Variants in BLOC1S5 observed in about 807,000 individuals in gnomAD.
The protein encoded by BLOC1S5 is biogenesis of lysosomal organelles complex 1 subunit 5, also known as biogenesis of lysosome-related organelles complex 1 subunit 5.
A neutral mutation model predicts 24.3 loss-of-function variants in BLOC1S5; 27 were observed. The observed-to-expected ratio is 1.11, with a 90% CI of 0.82 to 1.53. The LOEUF (loss-of-function observed/expected upper bound fraction) is 1.53, where lower values mean the gene tolerates loss of function less well. Among genes scored for constraint, BLOC1S5 ranks in the 40% most tolerant of loss-of-function variants. The pLI is 0.00. For synonymous variants in BLOC1S5, 84 were observed against 74.5 expected (o/e 1.13, Z -0.66); for missense variants, 239 against 229.4 (o/e 1.04, Z -0.27).
chr6:8,034,207 T>C (rs930331538), intron 3 of BLOC1S5, among the ~76,000 whole-genome samples: 2 of 152,152 alleles, frequency 1.3e-5, no homozygotes, highest in Non-Finnish European at 2.9e-5. Flanking sequence ...CTATTCACAA[T>C]AGCAAAGACT....
At chr6:8,054,297 A>G (rs1224850279) in intron 2 of BLOC1S5, 3 of 449,632 alleles carry the variant, frequency 6.7e-6, no homozygotes, top group East Asian at 7.2e-5. Flanking sequence ...TGATAGTTAC[A>G]CTACATCTTC....
intron 3 of BLOC1S5, among the ~76,000 whole-genome samples, chr6:8,040,275 A>G (rs998747708): frequency 2.0e-5 from 3 of 152,114 alleles, no homozygotes; most frequent in African/African-American, 4.8e-5. Context: ...CATTTATCTT[A>G]CTGGGTTATG....
In BLOC1S5 at chr6:8,041,655, C is replaced by CTTTTTTTTTT. The variant is rs1554139177; in HGVS notation, c.196-388_196-387insAAAAAAAAAA. ...TAGTAATTACTTTCTTTCTTTCTTTCTTTTTTTTTGAGATGCAGTCTCGCC... is the reference window on the plus strand; with the variant it reads ...TAGTAATTACTTTCTTTCTTTCTTTCTTTTTTTTTTTTTTTTTTTGAGATGCAGTCTCGCC... On this transcript the variant is annotated intron_variant, in intron 2 of 4. Transcript: ENST00000397457. 2.8e-3 allele frequency among the ~76,000 whole-genome samples: 313 copies of CTTTTTTTTTT among 111,910 alleles called. 10 individuals are homozygous for CTTTTTTTTTT. The highest frequency in any genetic ancestry group is 0.02 in the Middle Eastern group (3 of 152). The allele number at this position is 111,910 out of a possible 152,430, so 73.4% of individuals were successfully genotyped here.
intron 2 of BLOC1S5, among the ~76,000 whole-genome samples, chr6:8,058,357 G>GAAAAAAAA (rs60827828): frequency 3.0e-4 from 25 of 84,580 alleles, no homozygotes; most frequent in African/African-American, 6.0e-4. Context: ...CTGTCTCTAT[G>GAAAAAAAA]AAAAAAAAAA....
At chr6:8,029,658 C>T (rs1216589564) in intron 3 of BLOC1S5, among the ~76,000 whole-genome samples, 7 of 152,328 alleles carry the variant, frequency 4.6e-5, no homozygotes, top group South Asian at 2.1e-4. Flanking sequence ...GCACGAGGTT[C>T]GTTCCCCAGG....
chr6:8,038,075 T>A (rs909792180), intron 3 of BLOC1S5, among the ~76,000 whole-genome samples: 1 of 152,150 alleles, frequency 6.6e-6, no homozygotes, highest in African/African-American at 2.4e-5. Flanking sequence ...GGGGAAACAC[T>A]CCAGGACATT....
intron 3 of BLOC1S5, among the ~76,000 whole-genome samples, chr6:8,029,547 G>C (rs988931305): frequency 1.3e-5 from 2 of 152,192 alleles, no homozygotes; most frequent in Non-Finnish European, 2.9e-5. Flanking sequence ...AGAAAAAAAG[G>C]AGAGAGGTGC....
At chr6:8,029,041 T>C (rs961708972) in intron 3 of BLOC1S5, among the ~76,000 whole-genome samples, 2 of 152,210 alleles carry the variant, frequency 1.3e-5, no homozygotes, top group African/African-American at 4.8e-5. Flanking sequence ...TTGTGCCGCA[T>C]ACCACAGTTA....
At chr6:8,039,626 G>A (rs1248857781) in intron 3 of BLOC1S5, among the ~76,000 whole-genome samples, 1 of 118,098 alleles carries the variant, frequency 8.5e-6, no homozygotes, top group East Asian at 5.3e-4. Flanking sequence ...TGTAGTATTA[G>A]CTTTAAAAAA....
chr6:8,022,903 A>G (rs1762974548), intron 4 of BLOC1S5, among the ~76,000 whole-genome samples: 1 of 152,196 alleles, frequency 6.6e-6, no homozygotes, highest in South Asian at 2.1e-4. Flanking sequence ...ATTTAAAACA[A>G]TGTACAAGCC....
chr6:8,034,415 T>C (rs1763415965), intron 3 of BLOC1S5, among the ~76,000 whole-genome samples: 1 of 151,994 alleles, frequency 6.6e-6, no homozygotes, highest in Admixed American at 6.5e-5. Context: ...CACTAATAGG[T>C]GGGAATTGAC....
chr6:8,049,442 A>C (rs1764029424), intron 2 of BLOC1S5, among the ~76,000 whole-genome samples: 1 of 152,158 alleles, frequency 6.6e-6, no homozygotes, highest in Admixed American at 6.5e-5. Flanking sequence ...CCATCCAAAA[A>C]CACAGGCTTT....
chr6:8,057,219 CAAAAAAAAGAAAA>C (rs935212775), intron 2 of BLOC1S5, among the ~76,000 whole-genome samples: 2 of 148,856 alleles, frequency 1.3e-5, no homozygotes, highest in East Asian at 3.9e-4. Flanking sequence ...AACTCCGTCT[CAAAAAAAAGAAAA>C]GAAAAAAAGA....
chr6:8,029,132 G>C (rs747457241), intron 3 of BLOC1S5, among the ~76,000 whole-genome samples: 1 of 151,614 alleles, frequency 6.6e-6, no homozygotes, highest in Non-Finnish European at 1.5e-5. Flanking sequence ...AAATACACAC[G>C]TAAGAAAATA....
rs182125367 is a variant in BLOC1S5, at chr6:8,045,333, A to G, written c.196-4065T>C. On this transcript the variant is annotated intron_variant, in intron 2 of 4. Coordinates refer to ENST00000397457, the MANE Select transcript of BLOC1S5 (RefSeq NM_201280.3). ...CCTAGATTTCAGAAGATGTAAGGAAATGCCTGGGTGTCCAGGCAAAAGTTT... is the reference window on the plus strand; with the variant it reads ...CCTAGATTTCAGAAGATGTAAGGAAGTGCCTGGGTGTCCAGGCAAAAGTTT... Among the ~76,000 whole-genome samples, 3 of 152,360 alleles carry G rather than the reference A, an allele frequency of 2.0e-5. No individual in the cohort carries two copies. The East Asian group carries it at 5.8e-4, about 29-fold the overall frequency.
intron 2 of BLOC1S5, among the ~76,000 whole-genome samples, chr6:8,055,945 C>T (rs990343005): frequency 2.0e-5 from 3 of 152,062 alleles, no homozygotes; most frequent in African/African-American, 7.2e-5. Flanking sequence ...CTGGGCCTAA[C>T]GAGAGGTGAT....
chr6:8,055,013 C>T (rs1310008002), intron 2 of BLOC1S5, among the ~76,000 whole-genome samples: 5 of 152,096 alleles, frequency 3.3e-5, no homozygotes, highest in Non-Finnish European at 7.4e-5. Context: ...TTCCTGAATT[C>T]TTTCACCTGA....
chr6:8,054,848 T>C (rs1317654764), intron 2 of BLOC1S5, among the ~76,000 whole-genome samples: 1 of 152,210 alleles, frequency 6.6e-6, no homozygotes, highest in Non-Finnish European at 1.5e-5. Context: ...TTTGCTCTAT[T>C]ACATCGCTTT....
chr6:8,020,949 CCCATGTT>C (rs1197809952), intron 4 of BLOC1S5, among the ~76,000 whole-genome samples: 1 of 152,122 alleles, frequency 6.6e-6, no homozygotes, highest in African/African-American at 2.4e-5. Flanking sequence ...TATTTGTACA[CCCATGTT>C]TACAGCAATG....
Sources: allele counts gnomAD v4.1 joint callset (sites outside exome capture counted in the v4.1 genomes callset), GRCh38; gene constraint gnomAD v4.1.1; transcripts MANE v1.5; gene names NCBI Gene and HGNC (gene_info 2026-07-23, HGNC 2026-07-21).